Variants in SKIC8 observed in about 807,000 individuals in gnomAD.
SKIC8 encodes the protein SKI8 subunit of superkiller complex.
the SKIC8 span, chr15:78,293,368 A>C: frequency 8.2e-7 from 1 of 1,215,374 alleles, no homozygotes; most frequent in Non-Finnish European, 1.2e-6. Context: ...ATTTATTTGT[A>C]TTTGCTTTAC....
At chr15:78,299,568 A>T in the SKIC8 span, 1 of 152,400 alleles carries the variant, frequency 6.6e-6, no homozygotes, top group Admixed American at 6.5e-5. Context: ...TCACCACTGC[A>T]CTGCCAGGCT....
chr15:78,294,835 A>C, the SKIC8 span: 1 of 1,255,362 alleles, frequency 8.0e-7, no homozygotes, highest in African/African-American at 1.5e-5. Context: ...ATTCTTCTGC[A>C]AAGTGAGTAT....
At chr15:78,288,448 C>A in the SKIC8 span, 1 of 1,479,416 alleles carries the variant, frequency 6.8e-7, no homozygotes, top group South Asian at 1.2e-5. Context: ...TTCCCACTGA[C>A]AATGCCCCTT....
the SKIC8 span, chr15:78,293,327 C>T: frequency 1.4e-6 from 2 of 1,469,694 alleles, no homozygotes; most frequent in Non-Finnish European, 1.9e-6. Context: ...CTTAATGAAG[C>T]CGAGATACTG....
At chr15:78,289,387 TG>T in the SKIC8 span, among the ~76,000 whole-genome samples, 11 of 151,966 alleles carry the variant, frequency 7.2e-5, no homozygotes, top group Admixed American at 3.3e-4. Flanking sequence ...CACTCCAGCC[TG>T]GGAGCGAGAC....
the SKIC8 span, chr15:78,291,200 T>C: frequency 6.6e-6 from 1 of 152,218 alleles, no homozygotes; most frequent in South Asian, 2.1e-4. Flanking sequence ...GCCATCCTTT[T>C]ACTTGGAACC....
At chr15:78,297,348 T>C in the SKIC8 span, among the ~76,000 whole-genome samples, 1 of 152,234 alleles carries the variant, frequency 6.6e-6, no homozygotes, top group Non-Finnish European at 1.5e-5. Context: ...AAATGTCATG[T>C]CTTCCAAAGA....
At chr15:78,296,404 TTAAAAAATAAAAA>T in the SKIC8 span, among the ~76,000 whole-genome samples, 1 of 151,756 alleles carries the variant, frequency 6.6e-6, no homozygotes, top group Non-Finnish European at 1.5e-5. Context: ...AGACTCCATC[TTAAAAAATAAAAA>T]TAAAAAATAA....
chr15:78,299,071 G>A, the SKIC8 span, among the ~76,000 whole-genome samples: 9,841 of 152,112 alleles, frequency 0.065, 1,052 homozygotes, highest in African/African-American at 0.22. Flanking sequence ...TGTTTCCAAG[G>A]AACACTACAG....
the SKIC8 span, chr15:78,294,876 C>A: frequency 6.3e-7 from 1 of 1,597,826 alleles, no homozygotes; most frequent in Non-Finnish European, 8.6e-7. Context: ...GTCAGCATGA[C>A]AAAAGTCTTA....
chr15:78,283,348 C>A, the SKIC8 span: 28 of 1,090,154 alleles, frequency 2.6e-5, no homozygotes, highest in Non-Finnish European at 3.7e-5. Context: ...TGCTATATTT[C>A]TTTTAAACAA....
At chr15:78,292,260 G>A in the SKIC8 span, 41 of 261,510 alleles carry the variant, frequency 1.6e-4, no homozygotes, top group Admixed American at 3.0e-4. Flanking sequence ...ACAGGTCAAC[G>A]CCAAACCAGC....
chr15:78,293,468 A>T, the SKIC8 span: 1 of 523,964 alleles, frequency 1.9e-6, no homozygotes, highest in Non-Finnish European at 3.4e-6. Context: ...TACTTGCCCT[A>T]AATCTCATGT....
the SKIC8 span, chr15:78,294,805 G>A: frequency 1.0e-5 from 8 of 768,282 alleles, no homozygotes; most frequent in East Asian, 1.3e-4. Flanking sequence ...TTTTTTAAGA[G>A]TATTTGTTTT....
At chr15:78,292,972 T>C in the SKIC8 span, 1 of 918,592 alleles carries the variant, frequency 1.1e-6, no homozygotes, top group African/African-American at 1.7e-5. Flanking sequence ...TAAGATTTTT[T>C]TTTTTTAACT....
chr15:78,293,690 A>C, the SKIC8 span, among the ~76,000 whole-genome samples: 1 of 152,192 alleles, frequency 6.6e-6, no homozygotes, highest in Non-Finnish European at 1.5e-5. Flanking sequence ...TCAATTCTAA[A>C]CAGTATAGAT....
the SKIC8 span, among the ~76,000 whole-genome samples, chr15:78,296,765 A>G: frequency 6.6e-5 from 10 of 152,272 alleles, no homozygotes; most frequent in African/African-American, 1.2e-4. Flanking sequence ...GGCCTCCCAA[A>G]GTGCTGGGAT....
chr15:78,298,872 A>C, the SKIC8 span, among the ~76,000 whole-genome samples: 1 of 152,158 alleles, frequency 6.6e-6, no homozygotes, highest in Non-Finnish European at 1.5e-5. Flanking sequence ...CGGTTAAGGA[A>C]GCTTCCCCAA....
At chr15:78,285,949 G>T in the SKIC8 span, 1 of 1,046,306 alleles carries the variant, frequency 9.6e-7, no homozygotes, top group Non-Finnish European at 1.3e-6. Flanking sequence ...AATAAAAAAG[G>T]GTCAAACATC....
Sources: allele counts gnomAD v4.1 joint callset (sites outside exome capture counted in the v4.1 genomes callset), GRCh38; gene constraint gnomAD v4.1.1; transcripts MANE v1.5; gene names NCBI Gene and HGNC (gene_info 2026-07-23, HGNC 2026-07-21).